Variants in LRP1B observed in about 807,000 individuals in gnomAD.
The protein encoded by LRP1B is low-density lipoprotein receptor-related protein 1B.
LRP1B carries 217 observed loss-of-function variants against 556.6 expected under a neutral mutation model. The observed-to-expected ratio is 0.39, with a 90% CI of 0.35 to 0.44. LRP1B has a LOEUF of 0.44. Ranked by LOEUF, LRP1B falls within the 20% of genes least tolerant of loss-of-function variation. The pLI, the probability that LRP1B is intolerant of heterozygous loss-of-function variation, is 1.00. For missense variants in LRP1B, 5,053 were observed against 5,620.8 expected, an observed-to-expected ratio of 0.90 and a Z score of 3.23; for synonymous variants, 2,047 against 1,865.8, an observed-to-expected ratio of 1.10 and a Z score of -2.50.
chr2:141,776,834 T>C (rs901104063), intron 2 of LRP1B, among the ~76,000 whole-genome samples: 24 of 152,332 alleles, frequency 1.6e-4, no homozygotes, highest in Non-Finnish European at 2.6e-4. Context: ...CAATGATAAC[T>C]AATAATAGAT....
At chr2:140,612,946 C>T (rs1255022845) in intron 41 of LRP1B, among the ~76,000 whole-genome samples, 1 of 151,856 alleles carries the variant, frequency 6.6e-6, no homozygotes, top group Non-Finnish European at 1.5e-5. Flanking sequence ...TTCTGACACA[C>T]TTCAGTCTTG....
chr2:141,622,013 T>C (rs373662846), intron 2 of LRP1B, among the ~76,000 whole-genome samples: 13 of 152,184 alleles, frequency 8.5e-5, no homozygotes, highest in Admixed American at 5.9e-4. Context: ...TGCCTCAGCC[T>C]CCCGAGTAGC....
At chr2:141,901,798 C>T (rs145456844) in intron 1 of LRP1B, among the ~76,000 whole-genome samples, 13 of 151,978 alleles carry the variant, frequency 8.6e-5, no homozygotes, top group East Asian at 1.9e-4. Context: ...TACAGACATG[C>T]TTTTATTCTA....
chr2:141,900,180 AAATAAG>A (rs1222141437), intron 1 of LRP1B, among the ~76,000 whole-genome samples: 3 of 152,124 alleles, frequency 2.0e-5, no homozygotes, highest in South Asian at 2.1e-4. Flanking sequence ...TTGTCCTTTT[AAATAAG>A]AATAAGTAGC....
At chr2:141,651,682 A>G (rs1224821189) in intron 2 of LRP1B, among the ~76,000 whole-genome samples, 6 of 152,170 alleles carry the variant, frequency 3.9e-5, no homozygotes, top group Admixed American at 1.3e-4. Flanking sequence ...TAATAATGAT[A>G]ATAAATGCAT....
At chr2:140,827,741 TA>T in intron 31 of LRP1B, among the ~76,000 whole-genome samples, 1 of 151,932 alleles carries the variant, frequency 6.6e-6, no homozygotes, top group Admixed American at 6.6e-5. Context: ...AACCTAAAGA[TA>T]AAAATATCTA....
At chr2:141,460,688 A>T (rs867178012) in intron 3 of LRP1B, among the ~76,000 whole-genome samples, 1 of 152,214 alleles carries the variant, frequency 6.6e-6, no homozygotes, top group African/African-American at 2.4e-5. Flanking sequence ...CAAGTACAAG[A>T]TAATTGTGGT....
At chr2:141,597,451 T>A (rs543194375) in intron 2 of LRP1B, among the ~76,000 whole-genome samples, 1 of 152,222 alleles carries the variant, frequency 6.6e-6, no homozygotes, top group African/African-American at 2.4e-5. Context: ...GCTAATAACA[T>A]GTTCAATTTG....
intron 1 of LRP1B, among the ~76,000 whole-genome samples, chr2:142,007,497 C>T (rs1702837526): frequency 6.6e-6 from 1 of 152,136 alleles, no homozygotes; most frequent in African/African-American, 2.4e-5. Context: ...AAAGTGGACT[C>T]ACCTACAGAA....
At chr2:141,486,449 T>A (rs1390026205) in intron 2 of LRP1B, among the ~76,000 whole-genome samples, 4 of 152,038 alleles carry the variant, frequency 2.6e-5, no homozygotes, top group African/African-American at 7.2e-5. Context: ...CCATCAAATA[T>A]CTCTTCTGAT....
At chr2:140,559,651 T>C (rs1051373847) in intron 43 of LRP1B, among the ~76,000 whole-genome samples, 1 of 151,988 alleles carries the variant, frequency 6.6e-6, no homozygotes, top group Non-Finnish European at 1.5e-5. Flanking sequence ...GAGGACCTCT[T>C]AATGGCCATA....
At chr2:141,420,386 C>A (rs1263743440) in intron 3 of LRP1B, among the ~76,000 whole-genome samples, 4 of 152,146 alleles carry the variant, frequency 2.6e-5, no homozygotes, top group Admixed American at 2.6e-4. Context: ...AGACCTTCAC[C>A]GTCAGCCCAG....
At chr2:140,408,677 C>T (rs893314602) in intron 66 of LRP1B, among the ~76,000 whole-genome samples, 4 of 151,918 alleles carry the variant, frequency 2.6e-5, no homozygotes, top group African/African-American at 9.7e-5. Context: ...AGGGAAAGGA[C>T]ACTCCAACAA....
At chr2:141,030,615 T>C (rs958384473) in intron 11 of LRP1B, among the ~76,000 whole-genome samples, 3 of 152,068 alleles carry the variant, frequency 2.0e-5, no homozygotes, top group African/African-American at 7.2e-5. Context: ...TGCAGGCAGA[T>C]TTGTATTAAC....
At chr2:140,555,304 T>C (rs1680693251) in intron 43 of LRP1B, among the ~76,000 whole-genome samples, 1 of 151,876 alleles carries the variant, frequency 6.6e-6, no homozygotes, top group Admixed American at 6.6e-5. Context: ...CGCATGAATA[T>C]GTGTCTTTCA....
intron 11 of LRP1B, among the ~76,000 whole-genome samples, chr2:141,034,591 A>G (rs569685216): frequency 6.6e-6 from 1 of 151,982 alleles, no homozygotes; most frequent in Non-Finnish European, 1.5e-5. Flanking sequence ...ATGCAGCCAA[A>G]AAACACATGA....
intron 32 of LRP1B, among the ~76,000 whole-genome samples, chr2:140,793,022 C>A (rs1433287324): frequency 2.0e-5 from 3 of 151,820 alleles, no homozygotes; most frequent in Non-Finnish European, 4.4e-5. Flanking sequence ...AGTACGTAAA[C>A]ATTAAAATGA....
intron 89 of LRP1B, among the ~76,000 whole-genome samples, chr2:140,236,517 C>G (rs11888569): frequency 0.98 from 148,442 of 151,038 alleles, 73,014 homozygotes; most frequent in East Asian, 1. Context: ...ATCTTCACAA[C>G]TTTAACTGGA....
At chr2:140,947,557 C>T (rs1695581718) in intron 20 of LRP1B, among the ~76,000 whole-genome samples, 1 of 152,148 alleles carries the variant, frequency 6.6e-6, no homozygotes, top group Non-Finnish European at 1.5e-5. Flanking sequence ...GGCAATGGCT[C>T]ACAAATTCTG....
Sources: allele counts gnomAD v4.1 joint callset (sites outside exome capture counted in the v4.1 genomes callset), GRCh38; gene constraint gnomAD v4.1.1; transcripts MANE v1.5; gene names NCBI Gene and HGNC (gene_info 2026-07-23, HGNC 2026-07-21).